Variants in TLK1 observed in about 807,000 individuals in gnomAD.
The protein encoded by TLK1 is serine/threonine-protein kinase tousled-like 1.
TLK1 carries 24 observed loss-of-function variants against 105.3 expected under a neutral mutation model. The ratio of observed to expected loss-of-function variants is 0.23; its 90% CI spans 0.17 to 0.32. The LOEUF (loss-of-function observed/expected upper bound fraction) is 0.32, where lower values mean the gene tolerates loss of function less well. TLK1 is among the 10% of genes least tolerant of loss of function. TLK1 has a pLI of 1.00. For missense variants in TLK1, 558 were observed against 910.5 expected, an observed-to-expected ratio of 0.61 and a Z score of 4.98; for synonymous variants, 321 against 310.4, an observed-to-expected ratio of 1.03 and a Z score of -0.36.
intron 1 of TLK1, among the ~76,000 whole-genome samples, chr2:171,195,538 A>C (rs989901529): frequency 2.6e-5 from 4 of 151,086 alleles, no homozygotes; most frequent in African/African-American, 9.7e-5. Context: ...TCCACCATGG[A>C]TAAGCTCTAT....
intron 1 of TLK1, among the ~76,000 whole-genome samples, chr2:171,144,583 G>A (rs1439661329): frequency 6.6e-6 from 1 of 151,874 alleles, no homozygotes. Flanking sequence ...TGGGTCAAAT[G>A]AAATAAAAAG....
chr2:171,101,215 A>G (rs1009390481), intron 2 of TLK1, among the ~76,000 whole-genome samples: 1 of 151,894 alleles, frequency 6.6e-6, no homozygotes, highest in African/African-American at 2.4e-5. Context: ...AAGTGGTGGT[A>G]CGTGCCTGTA....
intron 3 of TLK1, among the ~76,000 whole-genome samples, chr2:171,066,524 G>A (rs138388106): frequency 3.3e-5 from 5 of 152,126 alleles, no homozygotes; most frequent in Non-Finnish European, 5.9e-5. Flanking sequence ...ATTCACAACC[G>A]TATCAGTACT....
In TLK1 at chr2:171,197,352, T is replaced by C. The variant is rs1003186382; in HGVS notation, c.-6+33793A>G. The stretch of plus-strand genomic sequence containing the variant: ...TAAATAATATTTTCTTTTATATAGC[T>C]TTTTACAAAAAAACCCGAAAATACC... On this transcript the variant is annotated intron_variant, in intron 1 of 20. Coordinates refer to the TLK1 transcript ENST00000521943. Among the ~76,000 whole-genome samples the C allele has an allele frequency of 9.2e-4, 140 of 152,302 alleles. 1 individual carries two copies. The highest frequency in any genetic ancestry group is 3.2e-3 in the African/African-American group (135 of 41,552).
At chr2:171,113,462 G>A (rs1690271039) in intron 2 of TLK1, among the ~76,000 whole-genome samples, 1 of 151,916 alleles carries the variant, frequency 6.6e-6, no homozygotes, top group South Asian at 2.1e-4. Flanking sequence ...TAGTAGAGAT[G>A]GGGTTCCACC....
intron 20 of TLK1, among the ~76,000 whole-genome samples, chr2:170,994,347 T>A (rs1460206503): frequency 6.6e-6 from 1 of 152,184 alleles, no homozygotes; most frequent in South Asian, 2.1e-4. Flanking sequence ...ATTATTTTTT[T>A]TTCCTACTGA....
chr2:171,069,789 T>A (rs1688170432), intron 3 of TLK1, among the ~76,000 whole-genome samples: 1 of 152,206 alleles, frequency 6.6e-6, no homozygotes. Context: ...GGATTATGTA[T>A]TCGTGAATTC....
At chr2:171,013,837 C>A (rs1221875414) in intron 13 of TLK1, among the ~76,000 whole-genome samples, 2 of 152,182 alleles carry the variant, frequency 1.3e-5, no homozygotes, top group Non-Finnish European at 2.9e-5. Context: ...GAAGTGTAAA[C>A]AGAAACCTTT....
intron 2 of TLK1, among the ~76,000 whole-genome samples, chr2:171,087,700 A>G (rs1689045039): frequency 1.3e-5 from 2 of 152,220 alleles, no homozygotes; most frequent in African/African-American, 4.8e-5. Flanking sequence ...AAAGATAAAG[A>G]AAACAATCTT....
At chr2:171,193,474 G>A (rs1192526920) in intron 1 of TLK1, among the ~76,000 whole-genome samples, 2 of 149,228 alleles carry the variant, frequency 1.3e-5, no homozygotes, top group Admixed American at 1.3e-4. Flanking sequence ...TCGGCTCACT[G>A]CAAGCTCCGC....
rs1239079629 is a variant in TLK1, at chr2:171,049,835, A to G, written c.959T>C (p.Phe320Ser). ...ASFTEQWTDG[F>S]AFQNLVKQQE... ...TAACTTCACAAGATTCTGAAATGCA[A>G]AACCATCTGTCCATTGTTCAGTAAA... The change falls in exon 10 of 21, where the codon TTT becomes TCT. Residue 320 changes from phenylalanine (F) to serine (S), a missense_variant. Coordinates refer to ENST00000431350, the MANE Select transcript of TLK1 (RefSeq NM_012290.5). The G allele has an allele frequency of 6.2e-7, 1 of 1,613,936 alleles. No homozygotes were observed. The highest frequency in any genetic ancestry group is 2.2e-5 in the East Asian group (1 of 44,842).
At chr2:171,038,549 A>G (rs1230649826) in intron 11 of TLK1, among the ~76,000 whole-genome samples, 2 of 152,050 alleles carry the variant, frequency 1.3e-5, no homozygotes, top group Non-Finnish European at 2.9e-5. Context: ...GAAATCTTTC[A>G]TTTCAGAATT....
intron 1 of TLK1, among the ~76,000 whole-genome samples, chr2:171,131,128 G>A (rs1433546437): frequency 6.6e-6 from 1 of 151,968 alleles, no homozygotes; most frequent in African/African-American, 2.4e-5. Flanking sequence ...GAGAGATACA[G>A]AGATATATAG....
chr2:171,188,270 G>A (rs1435514315), intron 1 of TLK1, among the ~76,000 whole-genome samples: 1 of 152,060 alleles, frequency 6.6e-6, no homozygotes, highest in Non-Finnish European at 1.5e-5. Context: ...TCCTAATATG[G>A]GCATTGAGAC....
At chr2:171,081,295 T>A (rs552698281) in intron 3 of TLK1, among the ~76,000 whole-genome samples, 3 of 152,224 alleles carry the variant, frequency 2.0e-5, no homozygotes, top group Non-Finnish European at 4.4e-5. Flanking sequence ...ATAACTGTGA[T>A]AAGTGATCTA....
At chr2:171,000,730 T>C (rs1055825067) in intron 18 of TLK1, among the ~76,000 whole-genome samples, 9 of 152,186 alleles carry the variant, frequency 5.9e-5, no homozygotes, top group African/African-American at 2.2e-4. Context: ...TGCTTTTTCA[T>C]ATAGTATCAA....
At chr2:171,111,775 G>C (rs1192732868) in intron 2 of TLK1, among the ~76,000 whole-genome samples, 1 of 152,128 alleles carries the variant, frequency 6.6e-6, no homozygotes, top group East Asian at 1.9e-4. Context: ...AGATATGGTA[G>C]GGTAATGAAA....
intron 16 of TLK1, 76 bp downstream of exon 16, chr2:171,006,724 A>G (rs909865913): frequency 1.3e-6 from 2 of 1,593,822 alleles, no homozygotes; most frequent in South Asian, 1.1e-5. Context: ...GAGAGTATTT[A>G]TATCATCAAC....
rs1056500253 is a variant in TLK1, at chr2:171,040,578, T to G, written c.1169+5596A>C. Among the ~76,000 whole-genome samples, 107 of 148,932 alleles carry G rather than the reference T, an allele frequency of 7.2e-4. No homozygotes were observed. The South Asian group carries it at 9.2e-3, about 13-fold the overall frequency. On this transcript the variant is annotated intron_variant, in intron 11 of 20. Transcript: ENST00000431350. Reference sequence around the variant, plus strand: ...ATATATTCCTTTTTTGTTTTTTTTTTTTTTTTTTTTTGAGACAGGGTCTTC... The same window carrying G: ...ATATATTCCTTTTTTGTTTTTTTTTGTTTTTTTTTTTGAGACAGGGTCTTC...
Sources: allele counts gnomAD v4.1 joint callset (sites outside exome capture counted in the v4.1 genomes callset), GRCh38; gene constraint gnomAD v4.1.1; transcripts MANE v1.5; gene names NCBI Gene and HGNC (gene_info 2026-07-23, HGNC 2026-07-21).